ODAD1: variants seen among roughly 807,000 people sequenced by gnomAD.
ODAD1 encodes the protein outer dynein arm docking complex subunit 1, also known as outer dynein arm-docking complex subunit 1.
A neutral mutation model predicts 67.2 loss-of-function variants in ODAD1; 49 were observed. The ratio of observed to expected loss-of-function variants is 0.73; its 90% CI spans 0.58 to 0.92. The LOEUF (loss-of-function observed/expected upper bound fraction) is 0.92, where lower values mean the gene tolerates loss of function less well. Ranked by LOEUF, ODAD1 falls within the 40% of genes least tolerant of loss-of-function variation. The probability of loss-of-function intolerance (pLI) is 0.00; values close to 1 mark genes in which losing one functional copy is unlikely to be tolerated. For missense variants in ODAD1, 897 were observed against 953.7 expected, an observed-to-expected ratio of 0.94 and a Z score of 0.78; for synonymous variants, 345 against 393.7, an observed-to-expected ratio of 0.88 and a Z score of 1.46.
intron 8 of ODAD1, among the ~76,000 whole-genome samples, chr19:48,304,510 T>C (rs544887166): frequency 9.9e-5 from 15 of 151,878 alleles, no homozygotes; most frequent in African/African-American, 3.4e-4. Flanking sequence ...TCCCAACTAC[T>C]TGGGAGGCTG....
Position 48,298,103 on chromosome 19 carries a change from G to C in ODAD1, c.1405-6C>G, listed in dbSNP as rs1328795071. The C allele has an allele frequency of 5.6e-6, 9 of 1,613,136 alleles. No individual in the cohort carries two copies. Among genetic ancestry groups the C allele is most frequent in the Non-Finnish European group, 5.1e-6 (6 of 1,179,766 alleles). ...TCGGCCAGGGAGGTGAAGCTCTGGA[G>C]AGTGTGGGAGCCTGCGGTCAGCTGG... On this transcript the variant is annotated splice_region_variant and splice_polypyrimidine_tract_variant and intron_variant, in intron 13 of 15. Coordinates refer to ENST00000674294, the MANE Select transcript of ODAD1 (RefSeq NM_001364171.2).
At chr19:48,305,357 A>G (rs966054694) in intron 8 of ODAD1, among the ~76,000 whole-genome samples, 1 of 151,670 alleles carries the variant, frequency 6.6e-6, no homozygotes, top group Admixed American at 6.6e-5. Context: ...CAAATTCGCC[A>G]GATGCTTCCA....
chr19:48,321,759 A>T lies in ODAD1; in HGVS notation c.-145T>A. The T allele has an allele frequency of 2.5e-6, 1 of 398,298 alleles. No homozygotes were observed. The highest frequency in any genetic ancestry group is 4.4e-6 in the Non-Finnish European group (1 of 225,868). 24.7% of individuals were successfully genotyped at this position (398,298 alleles called of 1,614,324 possible). A position where few individuals can be genotyped will look rare whatever the true frequency, so the allele number is the denominator to read the frequency against. On this transcript the variant is annotated 5_prime_UTR_variant, in exon 1 of 16. The change creates a new upstream start codon in the 5' untranslated region. Coordinates refer to ENST00000674294, the MANE Select transcript of ODAD1 (RefSeq NM_001364171.2). ...CTCGAAGCCAGGCCGAGGTCCTACA[A>T]GACGGAGCCCGAGAGGTGCCGGTCT...
At chr19:48,298,970 C>T (rs1216673882) in intron 12 of ODAD1, among the ~76,000 whole-genome samples, 1 of 152,186 alleles carries the variant, frequency 6.6e-6, no homozygotes, top group Non-Finnish European at 1.5e-5. Context: ...CTCCAGCTCG[C>T]TCCCCACCAC....
intron 4 of ODAD1, 40 bp from the exon 5 acceptor site, chr19:48,318,616 G>A: frequency 3.2e-6 from 5 of 1,543,146 alleles, no homozygotes; most frequent in South Asian, 1.2e-5. Flanking sequence ...CAGTAAGGGG[G>A]CAGAACTCAG....
At position 48,305,402 on chromosome 19, in the gene ODAD1, C is replaced by CT. The variant is rs1253680173; in HGVS notation, c.665+853dup. 5.7e-3 allele frequency among the ~76,000 whole-genome samples: 813 copies of CT among 141,928 alleles called. 3 individuals are homozygous for CT. Among genetic ancestry groups the CT allele is most frequent in the African/African-American group, 0.015 (575 of 38,868 alleles). The allele number at this position is 141,928 out of a possible 152,430, so 93.1% of individuals were successfully genotyped here. On this transcript the variant is annotated intron_variant, in intron 8 of 15. Coordinates refer to ENST00000674294, the MANE Select transcript of ODAD1 (RefSeq NM_001364171.2). The stretch of plus-strand genomic sequence containing the variant: ...CTGCACTATATATGTGCTAGATGCG[C>CT]TTTTTTTTTTTTTTTCTCCTGAGAC...
rs1189844425 is a variant in ODAD1, at chr19:48,304,158, G to A, written c.666-18C>T. 3.1e-6 allele frequency: 5 copies of A among 1,587,714 alleles called. No homozygotes were observed. Among genetic ancestry groups the A allele is most frequent in the Middle Eastern group, 1.8e-4 (1 of 5,714 alleles). The stretch of plus-strand genomic sequence containing the variant: ...CCTCCTCCCTGCGGGGGTCAGCCGG[G>A]GTCAGGATGACTGGAGGCTGGACTG... On this transcript the variant is annotated intron_variant, in intron 8 of 15. Transcript: ENST00000674294.
chr19:48,311,246 A>G (rs538154095), intron 7 of ODAD1, among the ~76,000 whole-genome samples: 10 of 152,240 alleles, frequency 6.6e-5, no homozygotes, highest in African/African-American at 2.4e-4. Context: ...AAGAGAGGGG[A>G]CAGGGCTGGT....
chr19:48,315,124 CG>C (rs1397808379), intron 5 of ODAD1, among the ~76,000 whole-genome samples: 1 of 151,330 alleles, frequency 6.6e-6, no homozygotes, highest in Non-Finnish European at 1.5e-5. Flanking sequence ...TCACCCAGGC[CG>C]AGTGCAGTGG....
chr19:48,299,872 TAA>T (rs753933955), intron 12 of ODAD1, among the ~76,000 whole-genome samples: 8 of 136,614 alleles, frequency 5.9e-5, no homozygotes, highest in Non-Finnish European at 6.4e-5. Context: ...CAGAAGGGAT[TAA>T]AAAAAAAAAA....
chr19:48,312,507 C>G (rs1968792383), intron 5 of ODAD1, among the ~76,000 whole-genome samples: 1 of 151,186 alleles, frequency 6.6e-6, no homozygotes, highest in South Asian at 2.1e-4. Flanking sequence ...ACCTCCACCT[C>G]CCAGGCTCGA....
At chr19:48,301,576 A>G (rs1285994056) in intron 12 of ODAD1, among the ~76,000 whole-genome samples, 1 of 152,236 alleles carries the variant, frequency 6.6e-6, no homozygotes, top group African/African-American at 2.4e-5. Context: ...TAAGACTAAG[A>G]AGAAATTTGG....
chr19:48,311,549 T>C lies in ODAD1; in HGVS notation c.597+4A>G. 6.5e-7 allele frequency: 1 copy of C among 1,532,162 alleles called. No individual in the cohort carries two copies. The highest frequency in any genetic ancestry group is 8.9e-7 in the Non-Finnish European group (1 of 1,129,498). The allele number at this position is 1,532,162 out of a possible 1,614,324, so 94.9% of individuals were successfully genotyped here. A position where few individuals can be genotyped will look rare whatever the true frequency, so the allele number is the denominator to read the frequency against. On this transcript the variant is annotated splice_donor_region_variant and intron_variant, in intron 7 of 15. Coordinates refer to ENST00000674294, the MANE Select transcript of ODAD1 (RefSeq NM_001364171.2). ...CTCCTCCCCTGGATTTCAGGGCCAC[T>C]GACCTTCTTCAGCTTGCGGTCCACG...
intron 8 of ODAD1, 169 bp downstream of exon 8, chr19:48,306,086 CA>C (rs1475804494): frequency 5.6e-6 from 3 of 536,906 alleles, no homozygotes; most frequent in Admixed American, 1.3e-4. Context: ...AGGACCTTGC[CA>C]GTGGAGGTGG....
chr19:48,320,031 C>T, intron 3 of ODAD1: 1 of 1,048,482 alleles, frequency 9.5e-7, no homozygotes, highest in Non-Finnish European at 1.2e-6. Context: ...GTAGAAACAC[C>T]CTTCCTTCCT....
At chr19:48,303,130 G>T in intron 10 of ODAD1, 35 bp from the exon 11 acceptor site, 1 of 1,470,794 alleles carries the variant, frequency 6.8e-7, no homozygotes, top group Non-Finnish European at 9.5e-7. Flanking sequence ...CCCAGAGAGA[G>T]GGAGACAGAG....
At chr19:48,315,899 T>C (rs1968885460) in intron 5 of ODAD1, among the ~76,000 whole-genome samples, 1 of 152,118 alleles carries the variant, frequency 6.6e-6, no homozygotes, top group Non-Finnish European at 1.5e-5. Flanking sequence ...CACAATTTGC[T>C]CGTCCACTCG....
At position 48,296,921 on chromosome 19, in the gene ODAD1, CA is replaced by C. The variant is rs756196240; in HGVS notation, c.*54del. On this transcript the variant is annotated 3_prime_UTR_variant, in exon 16 of 16. Coordinates refer to ENST00000674294, the MANE Select transcript of ODAD1 (RefSeq NM_001364171.2). Reference sequence around the variant, plus strand: ...AAGGCAAACAGGGGAAGTAGAGACACAAAAAAAGACCCCACAGAGAGCCAGG... The same window carrying C: ...AAGGCAAACAGGGGAAGTAGAGACACAAAAAAGACCCCACAGAGAGCCAGG... The C allele has an allele frequency of 7.4e-6, 11 of 1,493,234 alleles. No individual in the cohort carries two copies. Among genetic ancestry groups the C allele is most frequent in the East Asian group, 2.3e-5 (1 of 42,992 alleles). The allele number at this position is 1,493,234 out of a possible 1,614,324, so 92.5% of individuals were successfully genotyped here. A position where few individuals can be genotyped will look rare whatever the true frequency, so the allele number is the denominator to read the frequency against.
At chr19:48,318,934 G>C in intron 3 of ODAD1, 122 bp from the exon 4 acceptor site, 5 of 645,074 alleles carry the variant, frequency 7.8e-6, no homozygotes, top group Non-Finnish European at 1.1e-5. Context: ...TGCAGATCCA[G>C]CCCCCAACAC....
Sources: allele counts gnomAD v4.1 joint callset (sites outside exome capture counted in the v4.1 genomes callset), GRCh38; gene constraint gnomAD v4.1.1; transcripts MANE v1.5; gene names NCBI Gene and HGNC (gene_info 2026-07-23, HGNC 2026-07-21).